ZBTB38: variants seen among roughly 807,000 people sequenced by gnomAD.
The protein encoded by ZBTB38 is zinc finger and BTB domain containing 38.
A neutral mutation model predicts 76.8 loss-of-function variants in ZBTB38; 20 were observed. That is an observed-to-expected ratio of 0.26 (90% CI 0.18 to 0.38). The LOEUF is 0.38. ZBTB38 is among the 10% of genes least tolerant of loss of function. ZBTB38 has a pLI of 1.00. For synonymous variants in ZBTB38, 504 were observed against 544.2 expected (o/e 0.93, Z 1.03); for missense variants, 1,082 against 1,482.3 (o/e 0.73, Z 4.43).
chr3:141,438,707 A>C lies in ZBTB38; in HGVS notation c.1-3682A>C, dbSNP rs375827943. On this transcript the variant is annotated intron_variant, in intron 5 of 5. Coordinates refer to ENST00000321464, the MANE Select transcript of ZBTB38 (RefSeq NM_001376113.1). The stretch of plus-strand genomic sequence containing the variant: ...AGGCTGCGTGATTTTTTTTTAAAAA[A>C]GCTCAAATTTCATTATAACTCTCAA... Among the ~76,000 whole-genome samples, 114 of 152,238 alleles carry C rather than the reference A, an allele frequency of 7.5e-4. 2 individuals are homozygous for C. Among genetic ancestry groups the C allele is most frequent in the African/African-American group, 2.6e-3 (108 of 41,534 alleles).
Position 141,445,732 on chromosome 3 carries a change from G to C in ZBTB38, c.3344G>C (p.Arg1115Thr), listed in dbSNP as rs201146957. The C allele has an allele frequency of 6.2e-7, 1 of 1,614,188 alleles. No homozygotes were observed. Among genetic ancestry groups the C allele is most frequent in the African/African-American group, 1.3e-5 (1 of 75,038 alleles). Residue 1115 changes from arginine to threonine, a missense_variant, in exon 6 of 6, where the codon AGG becomes ACG. Physicochemically the swap from Arg to Thr is moderately conservative, Grantham distance 71. Transcript: ENST00000321464. This position sits in a 1 kb window ranked among gnomAD's most constrained non-coding sequence, Gnocchi z 6.5. ...YLSTKRNHEQ[R>T]HIREHNGKGY... ...TCCACCAAAAGGAATCACGAGCAGA[G>C]GCATATTCGGGAGCATAATGGGAAG... is the stretch of plus-strand genomic sequence containing the variant.
chr3:141,441,915 C>CA lies in ZBTB38; in HGVS notation c.1-461dup, dbSNP rs557961494. ...TGGGCAACAGAGCGAGACTTTGTCT[C>CA]AAAAAAAAAAAAATCATTTTCCTGC... On this transcript the variant is annotated intron_variant, in intron 5 of 5. Transcript: ENST00000321464. Among the ~76,000 whole-genome samples the CA allele has an allele frequency of 1.9e-3, 265 of 137,394 alleles. 2 individuals carry two copies. Among genetic ancestry groups the CA allele is most frequent in the South Asian group, 0.018 (80 of 4,380 alleles). The allele number at this position is 137,394 out of a possible 152,430, so 90.1% of individuals were successfully genotyped here. A position where few individuals can be genotyped will look rare whatever the true frequency, so the allele number is the denominator to read the frequency against.
upstream of ZBTB38, among the ~76,000 whole-genome samples, chr3:141,363,746 C>A (rs545493905): frequency 3.1e-4 from 47 of 152,086 alleles, no homozygotes; most frequent in South Asian, 9.8e-3. Context: ...ATCTTTTCAA[C>A]AAATAGTTAT....
In ZBTB38 at chr3:141,398,833, G is replaced by A. The variant is rs1451944723; in HGVS notation, c.-105-5094G>A. ...TCCTTAATAACATCAAAACATCATAGCATTCAAAAAATGAGAGGTCATCTT... is the reference window on the plus strand; with the variant it reads ...TCCTTAATAACATCAAAACATCATAACATTCAAAAAATGAGAGGTCATCTT... On this transcript the variant is annotated intron_variant, in intron 4 of 5. Coordinates refer to ENST00000321464, the MANE Select transcript of ZBTB38 (RefSeq NM_001376113.1). Among the ~76,000 whole-genome samples the A allele has an allele frequency of 2.0e-5, 3 of 152,062 alleles. No individual in the cohort carries two copies. The East Asian group carries it at 5.8e-4, about 29-fold the overall frequency.
chr3:141,340,978 GAA>G (rs746550239), intron 1 of ZBTB38, among the ~76,000 whole-genome samples: 4 of 116,650 alleles, frequency 3.4e-5, no homozygotes, highest in Non-Finnish European at 5.3e-5. Context: ...AAGAAAGAAA[GAA>G]AGAAAGAAAG....
chr3:141,356,228 G>A (rs1246710105), intron 1 of ZBTB38, among the ~76,000 whole-genome samples: 6 of 152,120 alleles, frequency 3.9e-5, no homozygotes, highest in Admixed American at 3.9e-4. Flanking sequence ...CATGGGAAGT[G>A]AGGAAATGGC....
At chr3:141,378,250 C>T (rs1945674726) in intron 2 of ZBTB38, among the ~76,000 whole-genome samples, 1 of 151,474 alleles carries the variant, frequency 6.6e-6, no homozygotes, top group African/African-American at 2.4e-5. Flanking sequence ...GTGTGATTAT[C>T]AGAGGAGGAG....
At chr3:141,422,316 G>A (rs538968820) in intron 5 of ZBTB38, among the ~76,000 whole-genome samples, 2 of 152,228 alleles carry the variant, frequency 1.3e-5, no homozygotes, top group South Asian at 4.1e-4. Flanking sequence ...CCACCTCTCG[G>A]GCCAGGACAC....
intron 5 of ZBTB38, among the ~76,000 whole-genome samples, chr3:141,409,506 T>C (rs1299658978): frequency 6.6e-6 from 1 of 152,232 alleles, no homozygotes; most frequent in Admixed American, 6.5e-5. Flanking sequence ...CTTAATATTA[T>C]TGTAACCTCA....
At chr3:141,381,137 A>G (rs1946143817) in intron 2 of ZBTB38, among the ~76,000 whole-genome samples, 1 of 152,148 alleles carries the variant, frequency 6.6e-6, no homozygotes, top group Admixed American at 6.5e-5. Flanking sequence ...GCAGAAAATG[A>G]GCATGTGATT....
intron 5 of ZBTB38, chr3:141,432,387 CAAGGGCTGGCAA>C (rs1226376982): frequency 3.3e-6 from 2 of 612,828 alleles, no homozygotes; most frequent in Non-Finnish European, 4.1e-6. Context: ...GCTGCGTGGC[CAAGGGCTGGCAA>C]GAGGGCTCTT....
At chr3:141,406,838 A>C (rs1954672886) in intron 5 of ZBTB38, among the ~76,000 whole-genome samples, 1 of 152,180 alleles carries the variant, frequency 6.6e-6, no homozygotes, top group Non-Finnish European at 1.5e-5. Flanking sequence ...AAGGTGAGGG[A>C]TGAGCTTAGG....
chr3:141,384,058 G>A (rs1374282899), intron 3 of ZBTB38, among the ~76,000 whole-genome samples: 1 of 152,218 alleles, frequency 6.6e-6, no homozygotes, highest in African/African-American at 2.4e-5. Context: ...CAAGCTCATT[G>A]CTTTGAATAT....
chr3:141,345,667 T>A (rs1467030780), intron 1 of ZBTB38, among the ~76,000 whole-genome samples: 1 of 151,984 alleles, frequency 6.6e-6, no homozygotes, highest in Non-Finnish European at 1.5e-5. Context: ...GCATATTACT[T>A]CTCCCTGAGC....
rs758578318 is a variant in ZBTB38, at chr3:141,444,326, T to C, written c.1938T>C (p.Asn646=). 19 of 1,614,186 alleles carry C rather than the reference T, an allele frequency of 1.2e-5. 1 individual carries two copies. In the South Asian group the frequency reaches 1.6e-4, roughly 14 times the overall value. Residue 646 remains asparagine, a synonymous_variant, in exon 6 of 6, where the codon AAT becomes AAC. Coordinates refer to ENST00000321464, the MANE Select transcript of ZBTB38 (RefSeq NM_001376113.1). The surrounding 1 kb of genome is among the most constrained non-coding windows in gnomAD (Gnocchi z 5.1). The part of the protein sequence containing the change: ...SACQDIPTSA[N]VQNAEGTKWG... ...GTCAGGACATACCCACTTCTGCCAA[T>C]GTACAAAATGCAGAGGGTACCAAAT...
intron 2 of ZBTB38, among the ~76,000 whole-genome samples, chr3:141,376,624 A>G (rs571294676): frequency 1.1e-4 from 17 of 152,304 alleles, no homozygotes; most frequent in African/African-American, 3.8e-4. Flanking sequence ...TGTTTGCCTT[A>G]TGTAAAACCC....
intron 1 of ZBTB38, among the ~76,000 whole-genome samples, chr3:141,332,139 AC>A (rs1222808342): frequency 6.6e-6 from 1 of 151,980 alleles, no homozygotes; most frequent in Non-Finnish European, 1.5e-5. Flanking sequence ...TCATCCTAAT[AC>A]TTTTTTCCTA....
rs558298946 is a variant in ZBTB38 at position 141,404,989 on chromosome 3, T to C, written c.-1+958T>C. ...GACCAGAGTCATAGACACACCAAAA[T>C]TCCTACTTCTAAATTCAATTTTTCT... On this transcript the variant is annotated intron_variant, in intron 5 of 5. Coordinates refer to ENST00000321464, the MANE Select transcript of ZBTB38 (RefSeq NM_001376113.1). Among the ~76,000 whole-genome samples, 3 of 152,302 alleles carry C rather than the reference T, an allele frequency of 2.0e-5. No homozygotes were observed. In the East Asian group the frequency reaches 5.8e-4, roughly 29 times the overall value.
intron 5 of ZBTB38, chr3:141,426,095 A>G (rs2076324944): frequency 2.4e-6 from 3 of 1,265,370 alleles, no homozygotes; most frequent in Non-Finnish European, 3.1e-6. Flanking sequence ...TGTTTGGAGT[A>G]TGGGCATGTC....
Sources: gnomAD v4.1 joint callset for allele counts (sites outside exome capture counted in the v4.1 genomes callset) on GRCh38, gnomAD v4.1.1 for gene constraint, Gnocchi (gnomAD v3.1) non-coding constraint, MANE v1.5 for transcripts, NCBI Gene and HGNC (gene_info 2026-07-23, HGNC 2026-07-21) for gene names.